The following GRID2 variants were observed in gnomAD, a reference collection of about 807,000 sequenced individuals.
GRID2 encodes the protein glutamate receptor ionotropic, delta-2.
GRID2 carries 33 observed loss-of-function variants against 114.8 expected under a neutral mutation model. That is an observed-to-expected ratio of 0.29 (90% CI 0.22 to 0.38). The LOEUF (loss-of-function observed/expected upper bound fraction) is 0.38. Ranked by LOEUF, GRID2 falls within the 10% of genes least tolerant of loss-of-function variation. The pLI is 1.00. For synonymous variants in GRID2, 505 were observed against 449.9 expected, an observed-to-expected ratio of 1.12 and a Z score of -1.55; for missense variants, 1,184 against 1,257.7, an observed-to-expected ratio of 0.94 and a Z score of 0.89.
At chr4:93,602,469 C>T (rs1431631121) in intron 13 of GRID2, among the ~76,000 whole-genome samples, 3 of 152,192 alleles carry the variant, frequency 2.0e-5, no homozygotes, top group Non-Finnish European at 1.5e-5. Context: ...CCAACAGTGT[C>T]TGTCACATTT....
intron 14 of GRID2, among the ~76,000 whole-genome samples, chr4:93,746,145 G>C (rs1250671925): frequency 6.6e-6 from 1 of 152,020 alleles, no homozygotes; most frequent in Non-Finnish European, 1.5e-5. Context: ...AAGGACAAGT[G>C]GTATCCTGAA....
At chr4:93,655,408 A>G (rs1409628877) in intron 14 of GRID2, among the ~76,000 whole-genome samples, 1 of 152,136 alleles carries the variant, frequency 6.6e-6, no homozygotes, top group Non-Finnish European at 1.5e-5. Flanking sequence ...AGTAATATTC[A>G]AGAAATTATG....
Position 92,965,450 on chromosome 4 carries a change from T to TAAAAAAA in GRID2, c.245-119512_245-119506dup, listed in dbSNP as rs869285420. On this transcript the variant is annotated intron_variant, in intron 2 of 15. Transcript: ENST00000282020. ...AGGGTTGCCATAAACATTCAATTTG[T>TAAAAAAA]AAAAAAAAAAAAAAAAAAAAAAAAA... Among the ~76,000 whole-genome samples, 312 of 85,666 alleles carry TAAAAAAA rather than the reference T, an allele frequency of 3.6e-3. 8 individuals carry two copies. Among genetic ancestry groups the TAAAAAAA allele is most frequent in the Non-Finnish European group, 4.9e-3 (203 of 41,780 alleles). 56.2% of individuals were successfully genotyped at this position (85,666 alleles called of 152,430 possible).
chr4:93,216,758 A>T lies in GRID2; in HGVS notation c.810A>T (p.Val270=). 6.2e-7 allele frequency: 1 copy of T among 1,610,662 alleles called. No homozygotes were observed. Among genetic ancestry groups the T allele is most frequent in the East Asian group, 2.2e-5 (1 of 44,834 alleles). ...IINEEINDVD[V]QELVRRSIGR... ...TATAGGAAATAAACGATGTGGACGT[A>T]CAGGAACTTGTAAGAAGGTCAATTG... The change falls in exon 6 of 16, where the codon GTA becomes GTT. Residue 270 remains valine, a synonymous_variant. Coordinates refer to ENST00000282020, the MANE Select transcript of GRID2 (RefSeq NM_001510.4).
chr4:92,982,022 T>TA (rs1161216679), intron 2 of GRID2, among the ~76,000 whole-genome samples: 7,719 of 80,006 alleles, frequency 0.096, 360 homozygotes, highest in East Asian at 0.15. Flanking sequence ...AAAGTACTGG[T>TA]AAAAAAAAAA....
intron 2 of GRID2, among the ~76,000 whole-genome samples, chr4:92,997,774 T>G (rs542419692): frequency 2.1e-4 from 32 of 152,276 alleles, no homozygotes; most frequent in African/African-American, 7.2e-4. Context: ...GCATTGAAAT[T>G]TTAGCTTTGT....
At chr4:93,195,157 T>C (rs928323006) in intron 4 of GRID2, among the ~76,000 whole-genome samples, 5 of 152,158 alleles carry the variant, frequency 3.3e-5, no homozygotes, top group Admixed American at 2.6e-4. Flanking sequence ...TGTAACAAAT[T>C]GTGTAATTTG....
At chr4:93,633,643 A>T (rs1313158800) in intron 14 of GRID2, among the ~76,000 whole-genome samples, 8 of 152,102 alleles carry the variant, frequency 5.3e-5, no homozygotes, top group Non-Finnish European at 1.5e-5. Context: ...TCTTATCATA[A>T]TTATTTTTTC....
chr4:93,127,882 A>G (rs925130002), intron 4 of GRID2, among the ~76,000 whole-genome samples: 1 of 151,644 alleles, frequency 6.6e-6, no homozygotes, highest in Admixed American at 6.6e-5. Flanking sequence ...ATAGCTGGGT[A>G]TGGTGGTACA....
chr4:92,952,967 T>C (rs1388969795), intron 2 of GRID2, among the ~76,000 whole-genome samples: 1 of 152,148 alleles, frequency 6.6e-6, no homozygotes, highest in African/African-American at 2.4e-5. Flanking sequence ...TCCTAGCTTC[T>C]GGTGATGGTC....
At chr4:93,034,610 CA>C (rs1447828211) in intron 2 of GRID2, among the ~76,000 whole-genome samples, 1 of 152,110 alleles carries the variant, frequency 6.6e-6, no homozygotes, top group African/African-American at 2.4e-5. Flanking sequence ...CAACATGTCC[CA>C]ACAAGTGTGT....
intron 2 of GRID2, among the ~76,000 whole-genome samples, chr4:92,974,279 C>T (rs1228431446): frequency 6.6e-6 from 1 of 151,990 alleles, no homozygotes; most frequent in East Asian, 1.9e-4. Context: ...GACAGTGTGG[C>T]AATTCCTCAA....
chr4:92,703,250 C>A (rs531960587), intron 2 of GRID2, among the ~76,000 whole-genome samples: 3 of 152,106 alleles, frequency 2.0e-5, no homozygotes, highest in East Asian at 3.9e-4. Flanking sequence ...CTTAACAGTG[C>A]CTGTGACAAT....
chr4:92,908,593 A>G lies in GRID2; in HGVS notation c.245-176402A>G, dbSNP rs917056795. On this transcript the variant is annotated intron_variant, in intron 2 of 15. Coordinates refer to ENST00000282020, the MANE Select transcript of GRID2 (RefSeq NM_001510.4). ...AAAAAAAAAAAAAGCAGCCATTACT[A>G]AACAAAAAATATGAAAAAAAAGTAC... Among the ~76,000 whole-genome samples, 7 of 151,080 alleles carry G rather than the reference A, an allele frequency of 4.6e-5. No homozygotes were observed. The South Asian group carries it at 1.5e-3, about 31-fold the overall frequency.
chr4:92,716,632 G>A (rs1735564809), intron 2 of GRID2, among the ~76,000 whole-genome samples: 1 of 152,106 alleles, frequency 6.6e-6, no homozygotes, highest in Admixed American at 6.5e-5. Context: ...TGTGTTTTAT[G>A]TACTGCTTCC....
chr4:92,965,479 AAAAAAAAAAAC>A (rs1405796584), intron 2 of GRID2, among the ~76,000 whole-genome samples: 68 of 99,628 alleles, frequency 6.8e-4, no homozygotes, highest in African/African-American at 2.3e-3. Context: ...AAAAAAAAAA[AAAAAAAAAAAC>A]ACACAACATC....
chr4:92,825,519 G>C (rs181042308), intron 2 of GRID2, among the ~76,000 whole-genome samples: 1 of 152,172 alleles, frequency 6.6e-6, no homozygotes, highest in African/African-American at 2.4e-5. Flanking sequence ...GGCTTCTGCA[G>C]TCTTGTCTGT....
At chr4:93,410,246 A>G (rs931115471) in intron 9 of GRID2, among the ~76,000 whole-genome samples, 2 of 152,134 alleles carry the variant, frequency 1.3e-5, no homozygotes, top group Admixed American at 6.5e-5. Context: ...TAGCCTGAAA[A>G]TATGTTCAAG....
At chr4:92,509,932 G>A (rs1724160975) in intron 1 of GRID2, among the ~76,000 whole-genome samples, 1 of 151,846 alleles carries the variant, frequency 6.6e-6, no homozygotes, top group African/African-American at 2.4e-5. Context: ...GCTACTGTGA[G>A]GATTTTGACT....
Sources: allele counts gnomAD v4.1 joint callset (sites outside exome capture counted in the v4.1 genomes callset), GRCh38; gene constraint gnomAD v4.1.1; transcripts MANE v1.5; gene names NCBI Gene and HGNC (gene_info 2026-07-23, HGNC 2026-07-21).